The following CLVS1 variants were observed in gnomAD, a reference collection of about 807,000 sequenced individuals.
CLVS1 encodes clavesin-1.
Under a neutral mutation model 33.1 loss-of-function variants are expected in CLVS1, and 10 were observed. The observed-to-expected ratio is 0.30, with a 90% CI of 0.19 to 0.51. The LOEUF (loss-of-function observed/expected upper bound fraction) is 0.51, where lower values mean the gene tolerates loss of function less well. CLVS1 is among the 20% of genes least tolerant of loss of function. CLVS1 has a pLI of 0.97. For missense variants in CLVS1, 343 were observed against 433.4 expected (o/e 0.79, Z 1.85); for synonymous variants, 163 against 166.1 (o/e 0.98, Z 0.14).
At chr8:61,111,209 A>G (rs1340039054) in intron 1 of CLVS1, among the ~76,000 whole-genome samples, 1 of 152,210 alleles carries the variant, frequency 6.6e-6, no homozygotes, top group Admixed American at 6.5e-5. Flanking sequence ...TCAGATATTG[A>G]TATACGGCTT....
chr8:61,168,436 T>G (rs1383934442), intron 2 of CLVS1, among the ~76,000 whole-genome samples: 1 of 152,234 alleles, frequency 6.6e-6, no homozygotes, highest in African/African-American at 2.4e-5. Context: ...ATAACAAAAC[T>G]AATTTTACAA....
chr8:61,118,994 T>C (rs1039130526), intron 1 of CLVS1, among the ~76,000 whole-genome samples: 1 of 152,184 alleles, frequency 6.6e-6, no homozygotes, highest in African/African-American at 2.4e-5. Flanking sequence ...CCATTATTAA[T>C]GTGTGGGAGT....
chr8:61,410,066 G>GTTTTTTTTTTTTT (rs201195565), intron 3 of CLVS1, among the ~76,000 whole-genome samples: 17 of 106,908 alleles, frequency 1.6e-4, no homozygotes, highest in Middle Eastern at 5.6e-3. Context: ...ACTTGCAGAG[G>GTTTTTTTTTTTTT]TTTTTTTTTT....
At position 61,499,530 on chromosome 8, in the gene CLVS1, G is replaced by T; in HGVS notation, c.1053G>T (p.Leu351=). 1 of 1,613,412 alleles carries T rather than the reference G, an allele frequency of 6.2e-7. No homozygotes were observed. Among genetic ancestry groups the T allele is most frequent in the Non-Finnish European group, 8.5e-7 (1 of 1,179,486 alleles). Residue 351 remains leucine (L), a synonymous_variant, in exon 6 of 6, where the codon CTG becomes CTT. Coordinates refer to ENST00000325897, the MANE Select transcript of CLVS1 (RefSeq NM_173519.3). ...AGAATGAGAACACCCAGCCACTCCT[G>T]GCTCTGGACTGAACCCTGAGTCACC... ...KGENENTQPL[L]ALD is the part of the protein sequence containing the mutation.
chr8:61,379,199 G>A (rs543546293), intron 3 of CLVS1, among the ~76,000 whole-genome samples: 9 of 152,254 alleles, frequency 5.9e-5, no homozygotes, highest in East Asian at 5.8e-4. Flanking sequence ...CTGCCATCCC[G>A]CCTTTTCTAG....
chr8:61,091,510 A>G (rs1411595730), intron 1 of CLVS1, among the ~76,000 whole-genome samples: 1 of 152,226 alleles, frequency 6.6e-6, no homozygotes, highest in Non-Finnish European at 1.5e-5. Flanking sequence ...ATTGTGTGAA[A>G]ATGAATGAGG....
chr8:61,058,501 C>T (rs1453776970), intron 1 of CLVS1, among the ~76,000 whole-genome samples: 2 of 152,126 alleles, frequency 1.3e-5, no homozygotes, highest in African/African-American at 2.4e-5. Context: ...TCTGTTCTCC[C>T]CATTATCCAT....
At chr8:61,497,247 G>C (rs1344841504) in intron 5 of CLVS1, among the ~76,000 whole-genome samples, 1 of 152,158 alleles carries the variant, frequency 6.6e-6, no homozygotes, top group African/African-American at 2.4e-5. Context: ...TACAGAAAAG[G>C]ATATAGATTG....
intron 1 of CLVS1, among the ~76,000 whole-genome samples, chr8:61,292,671 G>C (rs1462987680): frequency 6.6e-6 from 1 of 152,104 alleles, no homozygotes; most frequent in Non-Finnish European, 1.5e-5. Context: ...GGGGATAGTT[G>C]AATAGCCTAC....
rs964408434 is a variant in CLVS1, at chr8:61,126,487, C to G, written c.-242-5283C>G. Among the ~76,000 whole-genome samples the G allele has an allele frequency of 5.9e-5, 9 of 152,294 alleles. No individual in the cohort carries two copies. In the East Asian group the frequency reaches 1.5e-3, roughly 26 times the overall value. Reference sequence around the variant, plus strand: ...TTGTTACAACTAGATTTAGTATATACATTATTGTTTCACAAAATTGGGCTT... The same window carrying G: ...TTGTTACAACTAGATTTAGTATATAGATTATTGTTTCACAAAATTGGGCTT... On this transcript the variant is annotated intron_variant, in intron 1 of 2. Transcript: ENST00000522621.
intron 2 of CLVS1, among the ~76,000 whole-genome samples, chr8:61,160,258 T>C (rs1285516954): frequency 1.3e-5 from 2 of 152,228 alleles, no homozygotes; most frequent in African/African-American, 4.8e-5. Flanking sequence ...TCAGTACCAA[T>C]ATTAAGTCAA....
intron 2 of CLVS1, among the ~76,000 whole-genome samples, chr8:61,189,732 G>T (rs973910967): frequency 6.6e-6 from 1 of 152,132 alleles, no homozygotes; most frequent in African/African-American, 2.4e-5. Flanking sequence ...CCTAGTCTTG[G>T]ATAAAACAGA....
In CLVS1 at chr8:61,418,252, C is replaced by G. The variant is rs28642327; in HGVS notation, c.631-35889C>G. Among the ~76,000 whole-genome samples, 971 of 152,068 alleles carry G rather than the reference C, an allele frequency of 6.4e-3. 15 individuals are homozygous for G. The highest frequency in any genetic ancestry group is 0.022 in the African/African-American group (914 of 41,472). On this transcript the variant is annotated intron_variant, in intron 3 of 5. Coordinates refer to ENST00000325897, the MANE Select transcript of CLVS1 (RefSeq NM_173519.3). ...GGCATGTTGGTGTGCAACTGTAATC[C>G]TTGCTGAGGAGGCTGAGGCAGGAGG...
chr8:61,240,554 T>C lies in CLVS1; in HGVS notation c.-151-59123T>C, dbSNP rs554286010. ...TTTGTTTAGCCACAAAAATTTATGC[T>C]GCAGTAAAGGCAAGATCTTTGTCTA... On this transcript the variant is annotated intron_variant, in intron 2 of 2. Coordinates refer to the CLVS1 transcript ENST00000522621. Among the ~76,000 whole-genome samples, 600 of 152,348 alleles carry C rather than the reference T, an allele frequency of 3.9e-3. 1 individual carries two copies. Among genetic ancestry groups the C allele is most frequent in the Non-Finnish European group, 6.2e-3 (419 of 68,034 alleles).
At chr8:61,336,612 G>T (rs1811816255) in intron 2 of CLVS1, among the ~76,000 whole-genome samples, 1 of 152,110 alleles carries the variant, frequency 6.6e-6, no homozygotes, top group Non-Finnish European at 1.5e-5. Flanking sequence ...ATAAAAGGAG[G>T]AAAGAGGCCA....
intron 3 of CLVS1, among the ~76,000 whole-genome samples, chr8:61,445,607 C>CT (rs955422739): frequency 1.1e-4 from 17 of 152,100 alleles, no homozygotes; most frequent in Admixed American, 5.9e-4. Context: ...AATAAACCTC[C>CT]TTTTTTTTAT....
At chr8:61,050,539 T>C in the CLVS1 span, among the ~76,000 whole-genome samples, 1 of 152,234 alleles carries the variant, frequency 6.6e-6, no homozygotes, top group Non-Finnish European at 1.5e-5. Flanking sequence ...GCCCTGGCTC[T>C]TGTCTCTGGT....
At chr8:61,302,806 G>A (rs191552226) in intron 2 of CLVS1, among the ~76,000 whole-genome samples, 72 of 152,286 alleles carry the variant, frequency 4.7e-4, no homozygotes, top group Middle Eastern at 3.4e-3. Flanking sequence ...AAAGCATTGC[G>A]AGGGAGGCCT....
the CLVS1 span, among the ~76,000 whole-genome samples, chr8:60,977,392 G>A: frequency 3.3e-5 from 5 of 152,138 alleles, no homozygotes; most frequent in African/African-American, 9.7e-5. Flanking sequence ...ACAGTAAATC[G>A]ACAGTCTTAA....
Sources: allele counts gnomAD v4.1 joint callset (sites outside exome capture counted in the v4.1 genomes callset), GRCh38; gene constraint gnomAD v4.1.1; transcripts MANE v1.5; gene names NCBI Gene and HGNC (gene_info 2026-07-23, HGNC 2026-07-21).